PDGFD: variants seen among roughly 807,000 people sequenced by gnomAD.
PDGFD encodes platelet-derived growth factor D.
PDGFD carries 30 observed loss-of-function variants against 44.7 expected under a neutral mutation model. The observed-to-expected ratio is 0.67, with a 90% confidence interval of 0.50 to 0.91. PDGFD has a LOEUF of 0.91. Among genes scored for constraint, PDGFD ranks in the 40% least tolerant of loss-of-function variants. The pLI is 0.00. For missense variants in PDGFD, 445 were observed against 457.8 expected, an observed-to-expected ratio of 0.97 and a Z score of 0.25; for synonymous variants, 173 against 168.4, an observed-to-expected ratio of 1.03 and a Z score of -0.21.
At chr11:103,910,467 G>T (rs1399321097) in intron 6 of PDGFD, among the ~76,000 whole-genome samples, 1 of 152,178 alleles carries the variant, frequency 6.6e-6, no homozygotes, top group Non-Finnish European at 1.5e-5. Flanking sequence ...GCAGGGTGGG[G>T]TGTCCCCTCA....
chr11:104,025,777 C>T (rs1231674025), intron 1 of PDGFD, among the ~76,000 whole-genome samples: 1 of 152,172 alleles, frequency 6.6e-6, no homozygotes. Flanking sequence ...ACAGTGTCTG[C>T]TTCAAAAGAA....
chr11:103,924,853 G>A (rs1431360731), intron 6 of PDGFD, among the ~76,000 whole-genome samples: 1 of 152,118 alleles, frequency 6.6e-6, no homozygotes, highest in African/African-American at 2.4e-5. Flanking sequence ...TGGGATACTT[G>A]TGCAGAACGT....
chr11:104,085,808 G>A (rs747280129), intron 1 of PDGFD, among the ~76,000 whole-genome samples: 2 of 152,096 alleles, frequency 1.3e-5, no homozygotes, highest in Non-Finnish European at 2.9e-5. Flanking sequence ...ATTATCTCTA[G>A]GAAAGCCCTC....
chr11:104,120,309 C>T (rs944091825), intron 1 of PDGFD, among the ~76,000 whole-genome samples: 2 of 151,550 alleles, frequency 1.3e-5, no homozygotes, highest in African/African-American at 2.4e-5. Context: ...TTTTGTTTAC[C>T]ATGCCACTGG....
chr11:103,950,954 GA>G (rs1173425629), intron 3 of PDGFD, among the ~76,000 whole-genome samples: 2 of 152,232 alleles, frequency 1.3e-5, no homozygotes, highest in South Asian at 4.1e-4. Flanking sequence ...ATTTTGCTAA[GA>G]TTTTTTTAAG....
chr11:103,961,898 A>G (rs1858942648), intron 3 of PDGFD, among the ~76,000 whole-genome samples: 1 of 152,168 alleles, frequency 6.6e-6, no homozygotes, highest in African/African-American at 2.4e-5. Context: ...ACTGCATTAC[A>G]CTAAGTTGTA....
At chr11:104,019,546 G>C (rs1023726413) in intron 1 of PDGFD, among the ~76,000 whole-genome samples, 2 of 152,232 alleles carry the variant, frequency 1.3e-5, no homozygotes, top group East Asian at 3.9e-4. Flanking sequence ...TGGCAGACAC[G>C]ATACGGCCAG....
At chr11:104,044,937 CT>C (rs1289675750) in intron 1 of PDGFD, among the ~76,000 whole-genome samples, 1 of 152,156 alleles carries the variant, frequency 6.6e-6, no homozygotes, top group African/African-American at 2.4e-5. Context: ...AGTCCGGAGG[CT>C]GAGGCAGGAG....
At chr11:104,054,691 GTTT>G (rs1234882940) in intron 1 of PDGFD, among the ~76,000 whole-genome samples, 1 of 152,194 alleles carries the variant, frequency 6.6e-6, no homozygotes, top group Admixed American at 6.5e-5. Flanking sequence ...CTTTCAAATT[GTTT>G]TGCTTCAGAG....
intron 4 of PDGFD, among the ~76,000 whole-genome samples, chr11:103,944,723 T>C (rs1320742739): frequency 1.3e-5 from 2 of 152,274 alleles, no homozygotes; most frequent in Middle Eastern, 6.8e-3. Context: ...TCAGGCAATG[T>C]TGTCTCTCTT....
chr11:103,907,814 G>T lies in PDGFD; in HGVS notation c.*1880C>A, dbSNP rs575687733. ...AGAGGAAGAGCGTTCTTAATTATTA[G>T]TGTCTGCCTGAGCTATTTCTGATTG... On this transcript the variant is annotated 3_prime_UTR_variant, in exon 7 of 7. Coordinates refer to ENST00000393158, the MANE Select transcript of PDGFD (RefSeq NM_025208.5). The T allele has an allele frequency of 1.3e-5, 2 of 152,268 alleles. No homozygotes were observed. The highest frequency in any genetic ancestry group is 2.1e-4 in the South Asian group (1 of 4,830). 9.4% of individuals were successfully genotyped at this position (152,268 alleles called of 1,614,324 possible). A position where few individuals can be genotyped will look rare whatever the true frequency, so the allele number is the denominator to read the frequency against.
intron 6 of PDGFD, 109 bp downstream of exon 6, chr11:103,926,803 G>T: frequency 8.7e-7 from 1 of 1,155,908 alleles, no homozygotes; most frequent in Non-Finnish European, 1.2e-6. Context: ...ATCAAACCCT[G>T]GCTGGGTGCC....
intron 1 of PDGFD, among the ~76,000 whole-genome samples, chr11:104,144,858 C>T (rs1194695231): frequency 6.6e-6 from 1 of 152,158 alleles, no homozygotes; most frequent in Admixed American, 6.5e-5. Context: ...CCTAACCTAC[C>T]TCTAAGAAGC....
chr11:104,083,290 G>T (rs998794624), intron 1 of PDGFD, among the ~76,000 whole-genome samples: 1 of 152,080 alleles, frequency 6.6e-6, no homozygotes, highest in African/African-American at 2.4e-5. Context: ...ACTTTGATCC[G>T]CCCAAAGGTG....
chr11:104,025,204 G>C (rs1860024207), intron 1 of PDGFD, among the ~76,000 whole-genome samples: 1 of 152,190 alleles, frequency 6.6e-6, no homozygotes, highest in African/African-American at 2.4e-5. Context: ...CAGGCACTTT[G>C]AAATCTGAAT....
intron 3 of PDGFD, among the ~76,000 whole-genome samples, chr11:103,973,754 GC>G (rs1859139581): frequency 6.6e-6 from 1 of 152,134 alleles, no homozygotes. Flanking sequence ...AATTTGCAGA[GC>G]CTATGAACAT....
chr11:103,965,071 A>G (rs546143908), intron 3 of PDGFD, among the ~76,000 whole-genome samples: 43 of 151,934 alleles, frequency 2.8e-4, no homozygotes, highest in Non-Finnish European at 6.2e-4. Context: ...CACTCTTGAC[A>G]TTTAAAATAA....
chr11:104,147,685 C>T (rs1862183460), intron 1 of PDGFD, among the ~76,000 whole-genome samples: 1 of 151,986 alleles, frequency 6.6e-6, no homozygotes, highest in African/African-American at 2.4e-5. Context: ...AATCTAAGGC[C>T]ACTAACTCCA....
At chr11:104,040,779 C>A (rs1162768096) in intron 1 of PDGFD, among the ~76,000 whole-genome samples, 1 of 151,960 alleles carries the variant, frequency 6.6e-6, no homozygotes, top group African/African-American at 2.4e-5. Context: ...TATACACACA[C>A]AAACACAGAT....
Sources: gnomAD v4.1 joint callset for allele counts (sites outside exome capture counted in the v4.1 genomes callset) on GRCh38, gnomAD v4.1.1 for gene constraint, MANE v1.5 for transcripts, NCBI Gene and HGNC (gene_info 2026-07-23, HGNC 2026-07-21) for gene names.